The following TUT7 variants were observed in gnomAD, a reference collection of about 807,000 sequenced individuals.
TUT7 encodes terminal uridylyl transferase 7, also known as terminal uridylyltransferase 7.
Under a neutral mutation model 165.9 loss-of-function variants are expected in TUT7, and 33 were observed. The ratio of observed to expected loss-of-function variants is 0.20; its 90% CI spans 0.15 to 0.27. The LOEUF (loss-of-function observed/expected upper bound fraction) is 0.27, where lower values mean the gene tolerates loss of function less well. Among genes scored for constraint, TUT7 ranks in the 10% least tolerant of loss-of-function variants. The pLI is 1.00. For missense variants in TUT7, 1,338 were observed against 1,762.3 expected (o/e 0.76, Z 4.31); for synonymous variants, 552 against 608.1 (o/e 0.91, Z 1.36).
rs1055491357 is a variant in TUT7 at position 86,354,332 on chromosome 9, G to A, written c.-93C>T. 1 of 152,788 alleles carries A rather than the reference G, an allele frequency of 6.5e-6. No homozygotes were observed. The highest frequency in any genetic ancestry group is 6.5e-5 in the Admixed American group (1 of 15,288). 9.5% of individuals were successfully genotyped at this position (152,788 alleles called of 1,614,324 possible). ...GGAAACCAACTGGAGAATCAGCCCG[G>A]AGGCGAGTCTGGCAGGGACGTTGGG... On this transcript the variant is annotated 5_prime_UTR_variant, in exon 1 of 27. Coordinates refer to ENST00000375963, the MANE Select transcript of TUT7 (RefSeq NM_024617.4).
chr9:86,340,025 A>G lies in TUT7; in HGVS notation c.1208+11T>C. ...GAGAGTTAGTAAATAAACAGTTTAA[A>G]GAAATGAGACCTTTGCTTTTCTCTG... On this transcript the variant is annotated intron_variant, in intron 8 of 26. Transcript: ENST00000375963. 6.2e-7 allele frequency: 1 copy of G among 1,611,592 alleles called. No individual in the cohort carries two copies.
intron 2 of TUT7, among the ~76,000 whole-genome samples, chr9:86,351,422 C>A (rs150301806): frequency 0.024 from 3,697 of 152,046 alleles, 156 homozygotes; most frequent in African/African-American, 0.083. Flanking sequence ...GGTGACAGAG[C>A]GAGACTCCGT....
At position 86,323,824 on chromosome 9, in the gene TUT7, C is replaced by T; in HGVS notation, c.1926G>A (p.Lys642=). The change falls in exon 13 of 27, where the codon AAG becomes AAA. Residue 642 remains lysine, a synonymous_variant. Coordinates refer to ENST00000375963, the MANE Select transcript of TUT7 (RefSeq NM_024617.4). ...AAATACATGTAATTGCATTCAGAGG[C>T]TTTAGAAGGCTGGATTTTGTAATTT... ...PHKITKSSLL[K]PLNAITCISE... is the part of the protein sequence containing the mutation. The T allele has an allele frequency of 6.2e-7, 1 of 1,613,948 alleles. No individual in the cohort carries two copies. Among genetic ancestry groups the T allele is most frequent in the East Asian group, 2.2e-5 (1 of 44,882 alleles).
At chr9:86,337,155 G>A (rs758836658) in intron 10 of TUT7, 11 of 261,874 alleles carry the variant, frequency 4.2e-5, no homozygotes, top group East Asian at 1.7e-4. Flanking sequence ...TCTCTTGTTC[G>A]TCTCAGGACC....
Position 86,301,228 on chromosome 9 carries a change from T to G in TUT7, c.4420+48A>C, listed in dbSNP as rs375593559. ...AGTAAAGAGCTCTAAAAAGCAGATT[T>G]CCCTTGAGATGTTAGAGCAAACATC... On this transcript the variant is annotated intron_variant, in intron 26 of 26. Transcript: ENST00000375963. 18 of 1,497,580 alleles carry G rather than the reference T, an allele frequency of 1.2e-5. No homozygotes were observed. In the African/African-American group the frequency reaches 2.5e-4, roughly 21 times the overall value. 92.8% of individuals were successfully genotyped at this position (1,497,580 alleles called of 1,614,324 possible).
At chr9:86,327,405 T>C (rs1251648238) in intron 11 of TUT7, among the ~76,000 whole-genome samples, 1 of 152,242 alleles carries the variant, frequency 6.6e-6, no homozygotes, top group African/African-American at 2.4e-5. Flanking sequence ...ATTCTGTAAG[T>C]GACCCTATGA....
chr9:86,319,265 A>C (rs1162599802), intron 15 of TUT7, among the ~76,000 whole-genome samples: 2 of 152,226 alleles, frequency 1.3e-5, no homozygotes, highest in Non-Finnish European at 2.9e-5. Context: ...ATGGCAAGAA[A>C]GATTACCAGG....
chr9:86,312,394 G>T (rs567098973), intron 17 of TUT7, among the ~76,000 whole-genome samples: 15 of 150,802 alleles, frequency 9.9e-5, no homozygotes, highest in African/African-American at 3.7e-4. Flanking sequence ...CAGCCGCCCC[G>T]TCTGAGAAGT....
At chr9:86,348,892 T>C (rs1832019808) in intron 2 of TUT7, among the ~76,000 whole-genome samples, 1 of 152,154 alleles carries the variant, frequency 6.6e-6, no homozygotes, top group African/African-American at 2.4e-5. Flanking sequence ...TGAAAGGCAA[T>C]ATAACCTTCT....
chr9:86,292,167 C>T (rs1266124985), intron 26 of TUT7, among the ~76,000 whole-genome samples: 2 of 152,214 alleles, frequency 1.3e-5, no homozygotes, highest in East Asian at 1.9e-4. Flanking sequence ...CCTCAGCCTC[C>T]TGAGTGGCTG....
rs1243553679 is a variant in TUT7, at chr9:86,323,442, C to T, written c.2308G>A (p.Gly770Arg). The stretch of plus-strand genomic sequence containing the variant: ...GTGCTGCCACAGACAACATGCTCTC[C>T]ACGTTTCTGATCAACAGTCAACAGA... ...KHLLTVDQKR[G>R]EHVVCGSTRN... Residue 770 changes from glycine (G) to arginine (R), a missense_variant, in exon 13 of 27, where the codon GGA becomes AGA. This residue lies in a region of TUT7 where 425 missense variants were observed against 474.9 expected (regional missense o/e 0.89). Coordinates refer to ENST00000375963, the MANE Select transcript of TUT7 (RefSeq NM_024617.4). The T allele has an allele frequency of 1.2e-6, 2 of 1,614,230 alleles. No individual in the cohort carries two copies. The highest frequency in any genetic ancestry group is 1.7e-5 in the Admixed American group (1 of 60,028).
In TUT7 at chr9:86,301,579, C is replaced by T. The variant is rs1020800934; in HGVS notation, c.4117G>A (p.Glu1373Lys). Residue 1373 changes from glutamate to lysine, a missense_variant, in exon 26 of 27, where the codon GAA becomes AAA. Physicochemically the swap from Glu to Lys is moderately conservative, Grantham distance 56. Transcript: ENST00000375963. ...RRKVRRRRDQ[E>K]DALNQRYPEN... is the part of the protein sequence containing the mutation. ...GGGTATCTTTGGTTCAGGGCATCTTCCTGATCTCGCCGCCGTCTTACTCTG... is the reference window on the plus strand; with the variant it reads ...GGGTATCTTTGGTTCAGGGCATCTTTCTGATCTCGCCGCCGTCTTACTCTG... 3 of 1,613,348 alleles carry T rather than the reference C, an allele frequency of 1.9e-6. No homozygotes were observed. Among genetic ancestry groups the T allele is most frequent in the Admixed American group, 3.3e-5 (2 of 59,820 alleles).
At chr9:86,305,409 C>T (rs1256240179) in intron 22 of TUT7, among the ~76,000 whole-genome samples, 170 bp from the exon 23 acceptor site, 1 of 152,106 alleles carries the variant, frequency 6.6e-6, no homozygotes, top group African/African-American at 2.4e-5. Context: ...TTTAAAATGA[C>T]ACCTGTTAAA....
At chr9:86,340,240 C>T (rs1417879414) in intron 7 of TUT7, 135 bp from the exon 8 acceptor site, 2 of 665,838 alleles carry the variant, frequency 3.0e-6, no homozygotes, top group Non-Finnish European at 5.1e-6. Flanking sequence ...TAATGCTCTG[C>T]AATGACTTGA....
At chr9:86,298,745 GT>G (rs1308018663) in intron 26 of TUT7, 12 of 969,898 alleles carry the variant, frequency 1.2e-5, no homozygotes, top group East Asian at 2.3e-4. Context: ...ACACACATTT[GT>G]TTTTTTTAAA....
chr9:86,350,766 C>T (rs765267826), intron 2 of TUT7, among the ~76,000 whole-genome samples: 1 of 152,242 alleles, frequency 6.6e-6, no homozygotes, highest in African/African-American at 2.4e-5. Flanking sequence ...CTCCCTACTA[C>T]TTAACGCCTT....
At chr9:86,308,685 T>G (rs1409371464) in intron 21 of TUT7, 79 bp from the exon 22 acceptor site, 3 of 1,231,584 alleles carry the variant, frequency 2.4e-6, no homozygotes, top group Non-Finnish European at 3.3e-6. Context: ...TTTTAGGGAG[T>G]AAATTTGGAT....
chr9:86,322,515 T>A (rs1168740295), intron 13 of TUT7, 40 bp from the exon 14 acceptor site: 5 of 1,575,472 alleles, frequency 3.2e-6, no homozygotes, highest in Non-Finnish European at 4.3e-6. Context: ...CTTAACACTT[T>A]ATTTGCCAAA....
At chr9:86,353,936 C>G (rs1832523575) in intron 1 of TUT7, among the ~76,000 whole-genome samples, 3 of 151,898 alleles carry the variant, frequency 2.0e-5, no homozygotes, top group Admixed American at 2.0e-4. Context: ...CTTCAATCCC[C>G]ATCTGACCGC....
Sources: gnomAD v4.1 joint callset for allele counts (sites outside exome capture counted in the v4.1 genomes callset) on GRCh38, gnomAD v4.1.1 for gene constraint, gnomAD v4.1.1 regional missense constraint, MANE v1.5 for transcripts, NCBI Gene and HGNC (gene_info 2026-07-23, HGNC 2026-07-21) for gene names.